The following DNER variants were observed in gnomAD, a reference collection of about 807,000 sequenced individuals.
DNER encodes delta/notch like EGF repeat containing, also known as delta and Notch-like epidermal growth factor-related receptor.
DNER carries 33 observed loss-of-function variants against 78.2 expected under a neutral mutation model. That is an observed-to-expected ratio of 0.42 (90% CI 0.32 to 0.56). The LOEUF is 0.56. Among genes scored for constraint, DNER ranks in the 20% least tolerant of loss-of-function variants. DNER has a pLI of 0.11. For synonymous variants in DNER, 417 were observed against 384.8 expected, an observed-to-expected ratio of 1.08 and a Z score of -0.98; for missense variants, 918 against 975.3, an observed-to-expected ratio of 0.94 and a Z score of 0.78.
intron 1 of DNER, among the ~76,000 whole-genome samples, chr2:229,672,585 G>C (rs1699228500): frequency 6.6e-6 from 1 of 151,366 alleles, no homozygotes; most frequent in Non-Finnish European, 1.5e-5. Context: ...GAAGAAAGGA[G>C]AGAGAGAGGA....
intron 6 of DNER, among the ~76,000 whole-genome samples, chr2:229,505,342 A>C (rs1695716319): frequency 6.6e-6 from 1 of 152,220 alleles, no homozygotes; most frequent in South Asian, 2.1e-4. Flanking sequence ...AGGAAACTCA[A>C]GAACAAGTTA....
chr2:229,517,220 T>A (rs534349699), intron 5 of DNER, among the ~76,000 whole-genome samples: 2 of 152,062 alleles, frequency 1.3e-5, no homozygotes, highest in Non-Finnish European at 1.5e-5. Flanking sequence ...GTATTAAGCA[T>A]ATACTATGTG....
intron 7 of DNER, among the ~76,000 whole-genome samples, chr2:229,450,293 G>C (rs1694430114): frequency 6.6e-6 from 1 of 152,048 alleles, no homozygotes; most frequent in South Asian, 2.1e-4. Context: ...TCTAGGGAGG[G>C]TCAAAGATAA....
chr2:229,422,334 T>A (rs75775276), intron 8 of DNER, among the ~76,000 whole-genome samples: 10,277 of 152,268 alleles, frequency 0.067, 440 homozygotes, highest in East Asian at 0.14. Flanking sequence ...AAAGATTTTT[T>A]AAAAATAAAA....
intron 11 of DNER, among the ~76,000 whole-genome samples, chr2:229,369,815 T>A (rs868615612): frequency 6.6e-6 from 1 of 152,000 alleles, no homozygotes; most frequent in Non-Finnish European, 1.5e-5. Context: ...TGAAAAGAAA[T>A]TGTGGAAATT....
chr2:229,627,977 G>C (rs1336885798), intron 1 of DNER, among the ~76,000 whole-genome samples: 1 of 152,202 alleles, frequency 6.6e-6, no homozygotes, highest in Non-Finnish European at 1.5e-5. Flanking sequence ...TCAGGAGGTA[G>C]AGTCCTTTTC....
intron 8 of DNER, among the ~76,000 whole-genome samples, chr2:229,442,876 T>C (rs995762441): frequency 1.3e-5 from 2 of 152,068 alleles, no homozygotes; most frequent in African/African-American, 4.8e-5. Flanking sequence ...AAAAATTACA[T>C]CTAAAATCCT....
chr2:229,396,002 G>T (rs568237283), intron 10 of DNER, among the ~76,000 whole-genome samples: 19 of 152,148 alleles, frequency 1.2e-4, no homozygotes, highest in African/African-American at 3.4e-4. Flanking sequence ...AACAATGGCA[G>T]CCTAAGTTCT....
chr2:229,620,899 A>C (rs149712570), intron 1 of DNER, among the ~76,000 whole-genome samples: 3 of 152,210 alleles, frequency 2.0e-5, no homozygotes, highest in Non-Finnish European at 4.4e-5. Context: ...ATGAGGACAC[A>C]GTGAAAAGGC....
At chr2:229,489,658 G>T (rs539277917) in intron 6 of DNER, among the ~76,000 whole-genome samples, 2 of 152,074 alleles carry the variant, frequency 1.3e-5, no homozygotes, top group East Asian at 1.9e-4. Flanking sequence ...CCACCTTGAG[G>T]TGATGGCTCA....
intron 11 of DNER, among the ~76,000 whole-genome samples, chr2:229,380,943 A>G (rs1366979339): frequency 2.0e-5 from 3 of 152,134 alleles, no homozygotes; most frequent in Non-Finnish European, 4.4e-5. Context: ...ATAAAAAAAT[A>G]AAATAAAATA....
chr2:229,552,044 G>A (rs924120353), intron 4 of DNER, among the ~76,000 whole-genome samples: 8 of 152,274 alleles, frequency 5.3e-5, no homozygotes, highest in East Asian at 1.9e-4. Context: ...ATACATATAC[G>A]TAATTTAAAG....
At chr2:229,626,727 A>G (rs1365171608) in intron 1 of DNER, among the ~76,000 whole-genome samples, 1 of 152,240 alleles carries the variant, frequency 6.6e-6, no homozygotes, top group Non-Finnish European at 1.5e-5. Context: ...GAGTCATCCT[A>G]AAGTCTGGAC....
At chr2:229,582,907 C>T (rs1008395028) in intron 4 of DNER, among the ~76,000 whole-genome samples, 4 of 152,022 alleles carry the variant, frequency 2.6e-5, no homozygotes, top group Non-Finnish European at 4.4e-5. Context: ...CCAAAGTGCT[C>T]GGATTACGGG....
chr2:229,525,660 G>A (rs182709517), intron 5 of DNER, among the ~76,000 whole-genome samples: 6 of 152,038 alleles, frequency 3.9e-5, no homozygotes, highest in South Asian at 2.1e-4. Flanking sequence ...TTGCCTGGGC[G>A]GGAGTGCAAT....
intron 5 of DNER, among the ~76,000 whole-genome samples, chr2:229,530,954 A>G (rs1696289873): frequency 6.6e-6 from 1 of 152,202 alleles, no homozygotes; most frequent in South Asian, 2.1e-4. Context: ...ACGAGCATTC[A>G]TGACAGCCTG....
At chr2:229,531,408 T>A (rs1462285455) in intron 5 of DNER, among the ~76,000 whole-genome samples, 1 of 152,196 alleles carries the variant, frequency 6.6e-6, no homozygotes, top group African/African-American at 2.4e-5. Context: ...TTCATAAAAC[T>A]CTGATTAACA....
At chr2:229,510,199 G>A (rs1406657292) in intron 6 of DNER, among the ~76,000 whole-genome samples, 1 of 152,208 alleles carries the variant, frequency 6.6e-6, no homozygotes, top group Non-Finnish European at 1.5e-5. Flanking sequence ...GGAAAAGCAG[G>A]CAAAAGACAT....
In DNER at chr2:229,547,067, C is replaced by T. The variant is rs1189118446; in HGVS notation, c.873G>A (p.Lys291=). The change falls in exon 5 of 13, where the codon AAG becomes AAA. Residue 291 remains lysine (K), a synonymous_variant. Coordinates refer to ENST00000341772, the MANE Select transcript of DNER (RefSeq NM_139072.4). ...FIGFVNDSVT[K]SIVALRLTLV... is the part of the protein sequence containing the mutation. ...GAGTTAAGCGCAAAGCCACAATAGACTTAGTCACAGAATCATTCACAAAAC... is the reference window on the plus strand; with the variant it reads ...GAGTTAAGCGCAAAGCCACAATAGATTTAGTCACAGAATCATTCACAAAAC... 1 of 1,613,998 alleles carries T rather than the reference C, an allele frequency of 6.2e-7. No homozygotes were observed. The highest frequency in any genetic ancestry group is 8.5e-7 in the Non-Finnish European group (1 of 1,180,024).
Sources: gnomAD v4.1 joint callset for allele counts (sites outside exome capture counted in the v4.1 genomes callset) on GRCh38, gnomAD v4.1.1 for gene constraint, MANE v1.5 for transcripts, NCBI Gene and HGNC (gene_info 2026-07-23, HGNC 2026-07-21) for gene names.